ABCA13: variants seen among roughly 807,000 people sequenced by gnomAD.
ABCA13 encodes ATP-binding cassette sub-family A member 13.
A neutral mutation model predicts 478.7 loss-of-function variants in ABCA13; 476 were observed. The ratio of observed to expected loss-of-function variants is 0.99; its 90% CI spans 0.92 to 1.07. The LOEUF (loss-of-function observed/expected upper bound fraction) is 1.07. Among genes scored for constraint, ABCA13 ranks in the 50% least tolerant of loss-of-function variants. ABCA13 has a pLI of 0.00. For synonymous variants in ABCA13, 2,252 were observed against 2,158.9 expected (o/e 1.04, Z -1.20); for missense variants, 6,060 against 5,910.6 (o/e 1.03, Z -0.83).
rs1341025974 is a variant in ABCA13, at chr7:48,314,280, T to A, written c.9730T>A (p.Phe3244Ile). Residue 3244 changes from phenylalanine to isoleucine, a missense_variant, in exon 26 of 62, where the codon TTT becomes ATT. Phe to Ile is a conservative substitution (Grantham distance 21, BLOSUM62 0). Transcript: ENST00000435803. ...AAGTTCAGCTTTTGGTTCTTTCCAG[T>A]TTGTGATGAAGATGGTTTGCAAGGA... Reference protein sequence around the residue: ...ARSSAFGSFQFVMKMVCKDQA... With the variant: ...ARSSAFGSFQIVMKMVCKDQA... The A allele has an allele frequency of 6.2e-7, 1 of 1,613,622 alleles. No homozygotes were observed. The highest frequency in any genetic ancestry group is 8.5e-7 in the Non-Finnish European group (1 of 1,179,818).
At chr7:48,489,422 T>G in intron 48 of ABCA13, 78 bp downstream of exon 48, 1 of 1,310,816 alleles carries the variant, frequency 7.6e-7, no homozygotes, top group South Asian at 1.4e-5. Context: ...ACAGAAAAGT[T>G]TCTGAATAGA....
chr7:48,277,254 G>C (rs1238084548), intron 17 of ABCA13, among the ~76,000 whole-genome samples: 1 of 152,130 alleles, frequency 6.6e-6, no homozygotes, highest in Non-Finnish European at 1.5e-5. Context: ...GGCGCCCACA[G>C]CAGGCAGGGG....
intron 27 of ABCA13, among the ~76,000 whole-genome samples, chr7:48,327,158 A>G (rs557318127): frequency 5.4e-4 from 82 of 152,340 alleles, no homozygotes; most frequent in African/African-American, 1.9e-3. Flanking sequence ...TAATTTATAA[A>G]GGAAAGAGGT....
chr7:48,211,084 A>G (rs1785584318), intron 3 of ABCA13, among the ~76,000 whole-genome samples: 1 of 152,198 alleles, frequency 6.6e-6, no homozygotes, highest in African/African-American at 2.4e-5. Flanking sequence ...GAGAGGTCAC[A>G]TATCTCTGTC....
At position 48,273,326 on chromosome 7, in the gene ABCA13, TG is replaced by T. The variant is rs764531739; in HGVS notation, c.3661del (p.Asp1221ThrfsTer16). The T allele has an allele frequency of 1.1e-4, 170 of 1,613,680 alleles. No individual in the cohort carries two copies. The African/African-American group carries it at 1.9e-3, about 18-fold the overall frequency. ...NLFKNVTQAN[D>X]FHNWEDFLDL... ...TGTTTAAAAATGTAACTCAAGCCAATGACTTCCATAATTGGGAGGACTTCCT... is the reference window on the plus strand; with the variant it reads ...TGTTTAAAAATGTAACTCAAGCCAATACTTCCATAATTGGGAGGACTTCCT... On this transcript the variant is annotated frameshift_variant, in exon 17 of 62. Coordinates refer to ENST00000435803, the MANE Select transcript of ABCA13 (RefSeq NM_152701.5). LOFTEE classifies it high-confidence loss of function.
chr7:48,226,620 G>A (rs1007540300), intron 5 of ABCA13, among the ~76,000 whole-genome samples: 3 of 152,188 alleles, frequency 2.0e-5, no homozygotes, highest in African/African-American at 7.2e-5. Context: ...CACAGAGTGT[G>A]GGGTAGTTGT....
At position 48,450,985 on chromosome 7, in the gene ABCA13, CTTTTCTTTTTCT is replaced by C. The variant is rs1196517175; in HGVS notation, c.12566-4041_12566-4030del. 2.5e-4 allele frequency among the ~76,000 whole-genome samples: 30 copies of C among 118,640 alleles called. No homozygotes were observed. In the East Asian group the frequency reaches 7.4e-3, roughly 29 times the overall value. The allele number at this position is 118,640 out of a possible 152,430, so 77.8% of individuals were successfully genotyped here. On this transcript the variant is annotated intron_variant, in intron 42 of 61. Coordinates refer to ENST00000435803, the MANE Select transcript of ABCA13 (RefSeq NM_152701.5). ...TGTTATTATATTCTTTTTTTTTTTT[CTTTTCTTTTTCT>C]TTTTCTTTTTTTTTTTTGGAGATGG...
intron 1 of ABCA13, among the ~76,000 whole-genome samples, chr7:48,184,980 G>A (rs926400721): frequency 1.3e-5 from 2 of 152,010 alleles, no homozygotes; most frequent in Admixed American, 1.3e-4. Context: ...GGACTATAAG[G>A]GCACACCATC....
intron 47 of ABCA13, 27 bp from the exon 48 acceptor site, chr7:48,489,209 G>C (rs1324220240): frequency 1.7e-5 from 27 of 1,546,660 alleles, no homozygotes; most frequent in Non-Finnish European, 2.2e-5. Context: ...TTTCGTGAGA[G>C]CCATTAAATT....
intron 15 of ABCA13, among the ~76,000 whole-genome samples, chr7:48,266,906 A>G (rs936784788): frequency 2.0e-5 from 3 of 151,998 alleles, no homozygotes; most frequent in Non-Finnish European, 4.4e-5. Context: ...AGTTCAAAGT[A>G]CTTTCTATGT....
chr7:48,620,427 A>G lies in ABCA13; in HGVS notation c.14837+5050A>G, dbSNP rs137902145. ...GGTCTTAACTTCGTTTCTGCAGCTCAGCACTGTTTCGTTTTGGGTTGGATA... is the reference window on the plus strand; with the variant it reads ...GGTCTTAACTTCGTTTCTGCAGCTCGGCACTGTTTCGTTTTGGGTTGGATA... On this transcript the variant is annotated intron_variant, in intron 59 of 61. Coordinates refer to ENST00000435803, the MANE Select transcript of ABCA13 (RefSeq NM_152701.5). 8.3e-4 allele frequency among the ~76,000 whole-genome samples: 127 copies of G among 152,304 alleles called. 1 individual carries two copies. The highest frequency in any genetic ancestry group is 2.9e-3 in the Admixed American group (44 of 15,298).
chr7:48,323,953 T>C (rs1803915642), intron 27 of ABCA13, among the ~76,000 whole-genome samples: 1 of 152,218 alleles, frequency 6.6e-6, no homozygotes, highest in Non-Finnish European at 1.5e-5. Context: ...AGACATGACT[T>C]TGATCCTCAT....
rs766953796 is a variant in ABCA13 at position 48,338,407 on chromosome 7, C to A, written c.10156C>A (p.Gln3386Lys). The A allele has an allele frequency of 6.2e-7, 1 of 1,603,180 alleles. No homozygotes were observed. The highest frequency in any genetic ancestry group is 1.1e-5 in the South Asian group (1 of 88,740). The change falls in exon 29 of 62, where the codon CAG becomes AAG. Residue 3386 changes from glutamine (Q) to lysine (K), a missense_variant. Coordinates refer to ENST00000435803, the MANE Select transcript of ABCA13 (RefSeq NM_152701.5). ...NKFVRNFVEN[Q>K]LHIDVDKLTE... ...ATTTGTAAGAAACTTTGTAGAAAAC[C>A]AGTTGCACATTGATGTAGACAAACT...
chr7:48,618,209 C>T (rs571669474), intron 59 of ABCA13, among the ~76,000 whole-genome samples: 9 of 152,272 alleles, frequency 5.9e-5, no homozygotes, highest in African/African-American at 2.2e-4. Flanking sequence ...TTCAGTCAGC[C>T]CCGTAAACCC....
At position 48,506,340 on chromosome 7, in the gene ABCA13, A is replaced by G; in HGVS notation, c.13296A>G (p.Ile4432Met). ...PPTVDWRQYG[I>M]TLYSHPYGGA... ...TTTTCAATTTGTCTTTCACAGGAAT[A>G]ACACTCTACAGCCACCCATATGGAG... Residue 4432 changes from isoleucine to methionine, a missense_variant, in exon 49 of 62, where the codon ATA becomes ATG. Coordinates refer to ENST00000435803, the MANE Select transcript of ABCA13 (RefSeq NM_152701.5). 6.2e-7 allele frequency: 1 copy of G among 1,613,828 alleles called. No individual in the cohort carries two copies. Among genetic ancestry groups the G allele is most frequent in the South Asian group, 1.1e-5 (1 of 91,070 alleles).
chr7:48,182,144 T>C (rs984433735), intron 1 of ABCA13, among the ~76,000 whole-genome samples: 6 of 152,146 alleles, frequency 3.9e-5, no homozygotes, highest in African/African-American at 1.4e-4. Context: ...AGTGCAAACA[T>C]CCTAACTCGA....
intron 50 of ABCA13, among the ~76,000 whole-genome samples, chr7:48,510,368 G>A (rs974052463): frequency 2.6e-5 from 4 of 152,160 alleles, no homozygotes; most frequent in South Asian, 2.1e-4. Context: ...GGAACCAGGC[G>A]TGTGAGAGCC....
intron 42 of ABCA13, among the ~76,000 whole-genome samples, chr7:48,452,145 TC>T (rs1235669021): frequency 6.6e-6 from 1 of 152,172 alleles, no homozygotes; most frequent in Non-Finnish European, 1.5e-5. Context: ...GAAACATCTT[TC>T]CCCACAGACT....
intron 31 of ABCA13, among the ~76,000 whole-genome samples, chr7:48,360,056 T>C (rs1810573226): frequency 1.3e-5 from 2 of 152,082 alleles, no homozygotes; most frequent in Non-Finnish European, 2.9e-5. Context: ...TATTTTTTAT[T>C]ATACTTTAGG....
Sources: gnomAD v4.1 joint callset for allele counts (sites outside exome capture counted in the v4.1 genomes callset) on GRCh38, gnomAD v4.1.1 for gene constraint, MANE v1.5 for transcripts, NCBI Gene and HGNC (gene_info 2026-07-23, HGNC 2026-07-21) for gene names.